Variants in MSRB2 observed in about 807,000 individuals in gnomAD.
MSRB2 encodes the protein methionine-R-sulfoxide reductase B2, mitochondrial.
MSRB2 carries 17 observed loss-of-function variants against 19.0 expected under a neutral mutation model. The observed-to-expected ratio is 0.89, with a 90% confidence interval of 0.61 to 1.34. The LOEUF (loss-of-function observed/expected upper bound fraction) is 1.34, where lower values mean the gene tolerates loss of function less well. Ranked by LOEUF, MSRB2 falls within the 40% of genes most tolerant of loss-of-function variation. MSRB2 has a pLI of 0.00. For synonymous variants in MSRB2, 107 were observed against 99.7 expected, an observed-to-expected ratio of 1.07 and a Z score of -0.44; for missense variants, 208 against 237.6, an observed-to-expected ratio of 0.88 and a Z score of 0.82.
At position 23,111,072 on chromosome 10, in the gene MSRB2, G is replaced by A. The variant is rs570554639; in HGVS notation, c.296+754G>A. 7.6e-4 allele frequency among the ~76,000 whole-genome samples: 115 copies of A among 152,300 alleles called. No homozygotes were observed. In the Middle Eastern group the frequency reaches 0.014, roughly 18 times the overall value. On this transcript the variant is annotated intron_variant, in intron 3 of 4. Transcript: ENST00000376510. ...AGCCAGCTCTGTGCATTGCCCATTA[G>A]GCAGTGCTTCCTTCTGTCCTCTGGG...
intron 2 of MSRB2, among the ~76,000 whole-genome samples, chr10:23,104,535 A>T (rs1280041277): frequency 6.6e-6 from 1 of 152,056 alleles, no homozygotes; most frequent in Non-Finnish European, 1.5e-5. Flanking sequence ...TTCTCTGTGC[A>T]TGGCCATTCT....
At chr10:23,106,619 G>A (rs1010264034) in intron 2 of MSRB2, among the ~76,000 whole-genome samples, 3 of 152,214 alleles carry the variant, frequency 2.0e-5, no homozygotes, top group South Asian at 2.1e-4. Context: ...AGAGCCCAGC[G>A]TTCTCTCTGT....
chr10:23,105,212 C>CTGTGTGTGTGTGTGTG (rs36039793), intron 2 of MSRB2, among the ~76,000 whole-genome samples: 36 of 147,170 alleles, frequency 2.4e-4, no homozygotes, highest in African/African-American at 8.7e-4. Context: ...CTCTGTGTGT[C>CTGTGTGTGTGTGTGTG]TGTGTGTGTG....
At chr10:23,120,182 C>A (rs897068623) in intron 4 of MSRB2, among the ~76,000 whole-genome samples, 2 of 152,194 alleles carry the variant, frequency 1.3e-5, no homozygotes, top group Non-Finnish European at 2.9e-5. Flanking sequence ...TGCAGCGTGT[C>A]ACTGGCCTGC....
At chr10:23,104,826 T>G (rs1839966846) in intron 2 of MSRB2, among the ~76,000 whole-genome samples, 1 of 152,066 alleles carries the variant, frequency 6.6e-6, no homozygotes, top group African/African-American at 2.4e-5. Flanking sequence ...GCACCCAGCT[T>G]TCCTTCTTCT....
intron 1 of MSRB2, among the ~76,000 whole-genome samples, chr10:23,103,025 G>C (rs1278019328): frequency 6.6e-6 from 1 of 152,240 alleles, no homozygotes; most frequent in East Asian, 1.9e-4. Context: ...TCCTAGGGGA[G>C]CCCTTGTGTA....
chr10:23,113,390 G>GTT (rs984032946), intron 3 of MSRB2, among the ~76,000 whole-genome samples: 2 of 151,600 alleles, frequency 1.3e-5, no homozygotes, highest in Non-Finnish European at 2.9e-5. Context: ...CACACCATGG[G>GTT]TTTTTTTTTA....
intron 1 of MSRB2, among the ~76,000 whole-genome samples, chr10:23,097,599 G>A (rs1237183122): frequency 2.0e-5 from 3 of 152,236 alleles, no homozygotes; most frequent in African/African-American, 7.2e-5. Flanking sequence ...TTTAGCATAT[G>A]GGAGTGGGGA....
In MSRB2 at chr10:23,116,963, A is replaced by T. The variant is rs936459228; in HGVS notation, c.297-2341A>T. Among the ~76,000 whole-genome samples the T allele has an allele frequency of 3.3e-5, 5 of 152,170 alleles. No homozygotes were observed. The East Asian group carries it at 9.6e-4, about 29-fold the overall frequency. On this transcript the variant is annotated intron_variant, in intron 3 of 4. Coordinates refer to ENST00000376510, the MANE Select transcript of MSRB2 (RefSeq NM_012228.4). The stretch of plus-strand genomic sequence containing the variant: ...TTAATGCTGGTCATTTGTTGTGTCT[A>T]AACCACAAAAGGGAGAGGGTATAAT...
chr10:23,102,737 G>C (rs1459935128), intron 1 of MSRB2, among the ~76,000 whole-genome samples: 1 of 152,014 alleles, frequency 6.6e-6, no homozygotes, highest in Non-Finnish European at 1.5e-5. Context: ...TTTCACCCAG[G>C]GGTTTTAGAA....
intron 3 of MSRB2, among the ~76,000 whole-genome samples, chr10:23,116,477 A>C (rs1840111368): frequency 6.6e-6 from 1 of 152,218 alleles, no homozygotes; most frequent in Admixed American, 6.5e-5. Context: ...TGCATGTAAC[A>C]TATGACCTAT....
intron 3 of MSRB2, among the ~76,000 whole-genome samples, chr10:23,114,763 G>A (rs1840092654): frequency 6.6e-6 from 1 of 152,164 alleles, no homozygotes; most frequent in South Asian, 2.1e-4. Context: ...TGAGAGCTAG[G>A]AAGATGAAAT....
intron 3 of MSRB2, among the ~76,000 whole-genome samples, chr10:23,118,893 C>T (rs1840147630): frequency 6.6e-6 from 1 of 152,196 alleles, no homozygotes. Context: ...TCTCATCAGA[C>T]CTTACACTTC....
intron 1 of MSRB2, 124 bp downstream of exon 1, chr10:23,095,850 CG>C (rs1442475744): frequency 1.7e-5 from 9 of 523,928 alleles, no homozygotes; most frequent in Middle Eastern, 5.7e-4. Context: ...CCCTCCTCGG[CG>C]CGCCCCTCCC....
At chr10:23,106,026 G>T (rs1013888164) in intron 2 of MSRB2, among the ~76,000 whole-genome samples, 7 of 152,146 alleles carry the variant, frequency 4.6e-5, no homozygotes, top group Non-Finnish European at 1.0e-4. Context: ...TAATTCTCAG[G>T]TACAGAGCCA....
chr10:23,103,580 AT>A (rs1272031087), intron 1 of MSRB2, among the ~76,000 whole-genome samples: 1 of 152,216 alleles, frequency 6.6e-6, no homozygotes, highest in Non-Finnish European at 1.5e-5. Context: ...ATAATAGATT[AT>A]GGTAGGTCTG....
intron 3 of MSRB2, among the ~76,000 whole-genome samples, chr10:23,117,540 CATATA>C (rs1204102460): frequency 1.4e-4 from 22 of 152,144 alleles, no homozygotes; most frequent in Non-Finnish European, 3.2e-4. Context: ...GTTATGTTAA[CATATA>C]ATAAATTTAT....
At chr10:23,097,162 C>G (rs186119419) in intron 1 of MSRB2, among the ~76,000 whole-genome samples, 4 of 152,158 alleles carry the variant, frequency 2.6e-5, no homozygotes, top group African/African-American at 9.7e-5. Flanking sequence ...GAAATACTTA[C>G]GTAAATCATG....
At chr10:23,095,946 A>C (rs1839858944) in intron 1 of MSRB2, among the ~76,000 whole-genome samples, 2 of 151,674 alleles carry the variant, frequency 1.3e-5, no homozygotes, top group African/African-American at 4.9e-5. Flanking sequence ...AATCCGAGGA[A>C]ATGAACAAAT....
Sources: gnomAD v4.1 joint callset for allele counts (sites outside exome capture counted in the v4.1 genomes callset) on GRCh38, gnomAD v4.1.1 for gene constraint, MANE v1.5 for transcripts, NCBI Gene and HGNC (gene_info 2026-07-23, HGNC 2026-07-21) for gene names.